Variants in TRIP12 observed in about 807,000 individuals in gnomAD.
TRIP12 encodes thyroid hormone receptor interactor 12.
A neutral mutation model predicts 244.2 loss-of-function variants in TRIP12; 25 were observed. The ratio of observed to expected loss-of-function variants is 0.10; its 90% CI spans 0.07 to 0.14. The LOEUF is 0.14. TRIP12 is among the 10% of genes least tolerant of loss of function. The pLI is 1.00. For missense variants in TRIP12, 1,677 were observed against 2,486.4 expected (o/e 0.67, Z 6.92); for synonymous variants, 905 against 873.1 (o/e 1.04, Z -0.64).
intron 3 of TRIP12, 94 bp from the exon 4 acceptor site, chr2:229,859,668 CCTA>C: frequency 7.5e-7 from 1 of 1,333,958 alleles, no homozygotes; most frequent in East Asian, 2.3e-5. Context: ...TGAATATGTT[CCTA>C]CTAAGTCCAG....
At chr2:229,831,734 G>T (rs959259953) in intron 6 of TRIP12, among the ~76,000 whole-genome samples, 1 of 152,070 alleles carries the variant, frequency 6.6e-6, no homozygotes, top group African/African-American at 2.4e-5. Context: ...ATACTAACCT[G>T]ACCAACAATG....
chr2:229,877,682 T>C (rs1244997288), intron 2 of TRIP12, among the ~76,000 whole-genome samples: 2 of 152,208 alleles, frequency 1.3e-5, no homozygotes, highest in Non-Finnish European at 2.9e-5. Flanking sequence ...CAATGCAACC[T>C]GAGGATTAAT....
At chr2:229,908,993 G>A (rs749479062) in intron 1 of TRIP12, among the ~76,000 whole-genome samples, 26 of 151,148 alleles carry the variant, frequency 1.7e-4, no homozygotes, top group Non-Finnish European at 3.1e-4. Flanking sequence ...AGGAGGCTGA[G>A]GCAGGAGAAT....
chr2:229,810,720 A>G (rs778438354), intron 15 of TRIP12, among the ~76,000 whole-genome samples, 160 bp downstream of exon 15: 2 of 152,232 alleles, frequency 1.3e-5, no homozygotes, highest in Admixed American at 6.5e-5. Flanking sequence ...ACATTAACAT[A>G]CTGTCCCAAC....
chr2:229,881,221 T>G (rs1285939529), intron 1 of TRIP12, among the ~76,000 whole-genome samples: 1 of 152,238 alleles, frequency 6.6e-6, no homozygotes, highest in Non-Finnish European at 1.5e-5. Flanking sequence ...TTAATCAAAC[T>G]GAACTTTCTA....
chr2:229,764,028 C>T lies in TRIP12; in HGVS notation c.*3526G>A, dbSNP rs1055678890. 3.9e-5 allele frequency: 6 copies of T among 152,122 alleles called. No individual in the cohort carries two copies. Among genetic ancestry groups the T allele is most frequent in the Non-Finnish European group, 8.8e-5 (6 of 68,032 alleles). The allele number at this position is 152,122 out of a possible 1,614,324, so 9.4% of individuals were successfully genotyped here. On this transcript the variant is annotated 3_prime_UTR_variant, in exon 42 of 42. Transcript: ENST00000675903. ...TGGTTATAGGTTTGGAAATATGAGTCGGCTTGTAGTAAAAATAAAACCACC... is the reference window on the plus strand; with the variant it reads ...TGGTTATAGGTTTGGAAATATGAGTTGGCTTGTAGTAAAAATAAAACCACC...
At chr2:229,831,527 T>C (rs1022374422) in intron 6 of TRIP12, among the ~76,000 whole-genome samples, 6 of 152,192 alleles carry the variant, frequency 3.9e-5, no homozygotes, top group Non-Finnish European at 7.3e-5. Flanking sequence ...GAGTTGGGCA[T>C]GCCTGAGTCG....
rs1559412957 is a variant in TRIP12 at position 229,789,757 on chromosome 2, C to G, written c.4549G>C (p.Val1517Leu). 1 of 1,613,714 alleles carries G rather than the reference C, an allele frequency of 6.2e-7. No homozygotes were observed. The highest frequency in any genetic ancestry group is 8.5e-7 in the Non-Finnish European group (1 of 1,179,822). The change falls in exon 31 of 42, where the codon GTG (valine) becomes CTG (leucine). Residue 1517 changes from valine to leucine, a missense_variant. By Grantham distance (32) the Val-to-Leu change is conservative. Around this residue, in one of 11 missense-constraint regions of TRIP12, gnomAD observed 265 missense variants for 370.8 expected, o/e 0.71. Coordinates refer to ENST00000675903, the MANE Select transcript of TRIP12 (RefSeq NM_001348323.3). ...KKHDELWHDG[V>L]CPSVSNPLEV... ...AAAGGATTTGATACTGATGGGCACA[C>G]TCCATCTAAAGGACAAAAGATCAAA...
At chr2:229,821,902 G>A (rs1011023052) in intron 8 of TRIP12, among the ~76,000 whole-genome samples, 2 of 152,162 alleles carry the variant, frequency 1.3e-5, no homozygotes. Flanking sequence ...CACTTTGGGA[G>A]GCCAAGATGG....
Position 229,778,292 on chromosome 2 carries a change from CA to C in TRIP12, c.5364+140del. ...ACTGAATCAGAACCGGCATTTTTAA[CA>C]AAATCCCCAAGTAATTCATATGTGT... On this transcript the variant is annotated intron_variant, in intron 36 of 41. Transcript: ENST00000675903. The surrounding 1 kb of genome is among the most constrained non-coding windows in gnomAD (Gnocchi z 4.1). 1.8e-6 allele frequency: 2 copies of C among 1,137,782 alleles called. No individual in the cohort carries two copies. The highest frequency in any genetic ancestry group is 1.2e-6 in the Non-Finnish European group (1 of 807,216). The allele number at this position is 1,137,782 out of a possible 1,614,324, so 70.5% of individuals were successfully genotyped here.
chr2:229,888,667 T>G (rs1316187409), intron 1 of TRIP12, among the ~76,000 whole-genome samples: 1 of 151,940 alleles, frequency 6.6e-6, no homozygotes, highest in African/African-American at 2.4e-5. Flanking sequence ...AGCGAGGGCG[T>G]GGTAGCGCGC....
intron 17 of TRIP12, chr2:229,807,466 C>A (rs2154275485): frequency 3.8e-6 from 2 of 530,964 alleles, no homozygotes; most frequent in East Asian, 3.3e-5. Context: ...AACTATGGAA[C>A]AACAAACTTA....
chr2:229,863,688 C>A (rs2060852122), intron 2 of TRIP12, among the ~76,000 whole-genome samples: 1 of 152,102 alleles, frequency 6.6e-6, no homozygotes, highest in South Asian at 2.1e-4. Context: ...TATTAATGCT[C>A]AAAAATGCTG....
chr2:229,797,295 T>G (rs2043051784), intron 24 of TRIP12, among the ~76,000 whole-genome samples: 1 of 151,882 alleles, frequency 6.6e-6, no homozygotes, highest in Non-Finnish European at 1.5e-5. Context: ...CGTAAAACAC[T>G]TATTAGTAAA....
At chr2:229,836,140 C>T (rs1298352889) in intron 6 of TRIP12, among the ~76,000 whole-genome samples, 3 of 152,130 alleles carry the variant, frequency 2.0e-5, no homozygotes, top group East Asian at 3.9e-4. Context: ...TCTGAAATAT[C>T]TTTATTCAAA....
intron 13 of TRIP12, among the ~76,000 whole-genome samples, chr2:229,811,744 G>A (rs1223258155): frequency 7.2e-5 from 11 of 152,144 alleles, no homozygotes; most frequent in Non-Finnish European, 2.9e-5. Flanking sequence ...TGGCATCACT[G>A]ACAAAACATT....
chr2:229,794,478 G>A (rs1443924876), intron 26 of TRIP12, among the ~76,000 whole-genome samples: 1 of 152,020 alleles, frequency 6.6e-6, no homozygotes, highest in Non-Finnish European at 1.5e-5. Context: ...GAGGCAGAAA[G>A]ATCTCTTCAG....
At chr2:229,859,983 T>C (rs189081201) in intron 3 of TRIP12, among the ~76,000 whole-genome samples, 20 of 152,328 alleles carry the variant, frequency 1.3e-4, no homozygotes, top group Non-Finnish European at 1.0e-4. Flanking sequence ...AAATGAAGGT[T>C]AGAGATTTTT....
chr2:229,897,646 C>T (rs1475841590), intron 1 of TRIP12, among the ~76,000 whole-genome samples: 1 of 152,200 alleles, frequency 6.6e-6, no homozygotes, highest in Non-Finnish European at 1.5e-5. Context: ...GACTCCGTCT[C>T]TAAATAAATA....
Sources: gnomAD v4.1 joint callset for allele counts (sites outside exome capture counted in the v4.1 genomes callset) on GRCh38, gnomAD v4.1.1 for gene constraint, gnomAD v4.1.1 regional missense constraint, Gnocchi (gnomAD v3.1) non-coding constraint, MANE v1.5 for transcripts, NCBI Gene and HGNC (gene_info 2026-07-23, HGNC 2026-07-21) for gene names.